RP1: variants seen among roughly 807,000 people sequenced by gnomAD.
RP1 encodes the protein RP1 axonemal microtubule associated, also known as oxygen-regulated protein 1.
In RP1, 16 loss-of-function variants were observed where a neutral mutation model predicts 14.8. That is an observed-to-expected ratio of 1.08 (90% confidence interval 0.73 to 1.65). RP1 has a LOEUF of 1.65. Among genes scored for constraint, RP1 ranks in the 40% most tolerant of loss-of-function variants. The probability of loss-of-function intolerance (pLI) is 0.00; values close to 1 mark genes in which losing one functional copy is unlikely to be tolerated. For synonymous variants in RP1, 876 were observed against 883.6 expected, an observed-to-expected ratio of 0.99 and a Z score of 0.15; for missense variants, 2,631 against 2,535.0, an observed-to-expected ratio of 1.04 and a Z score of -0.81.
chr8:54,819,490 G>A (rs776455005), intron 24 of RP1, among the ~76,000 whole-genome samples: 3 of 151,992 alleles, frequency 2.0e-5, no homozygotes, highest in Non-Finnish European at 4.4e-5. Context: ...GCTTGGTGAG[G>A]TCACATTCTC....
At chr8:54,574,121 T>TG (rs145357608) in intron 1 of RP1, among the ~76,000 whole-genome samples, 1,800 of 152,162 alleles carry the variant, frequency 0.012, 35 homozygotes, top group African/African-American at 0.042. Flanking sequence ...GAAGGAGGAT[T>TG]GGAAAAAGTC....
In RP1 at chr8:54,701,592, A is replaced by G. The variant is rs1208742889; in HGVS notation, c.1928A>G (p.His643Arg). ...GGTCACACAGTTGTTTTTGATCGTC[A>G]TGGCAAAATAGCTGATGCATCATCA... is the stretch of plus-strand genomic sequence containing the variant. Residue 643 changes from histidine (H) to arginine (R), a missense_variant, in exon 14 of 23, where the codon CAT becomes CGT. Transcript: ENST00000636932. 2.6e-6 allele frequency: 4 copies of G among 1,535,782 alleles called. No individual in the cohort carries two copies. The Admixed American group carries it at 7.8e-5, about 30-fold the overall frequency.
chr8:54,766,242 T>A (rs750417188), intron 22 of RP1, among the ~76,000 whole-genome samples: 3 of 152,148 alleles, frequency 2.0e-5, no homozygotes, highest in Admixed American at 1.3e-4. Context: ...ATGAATGATA[T>A]AGATAAAAAA....
In RP1 at chr8:54,778,321, C is replaced by CTT. The variant is rs35643905; in HGVS notation, c.3452-5208_3452-5207dup. ...GGAATGTTTGTTAATGCTTCTTCTT[C>CTT]TTTTTTTTTTTTTTTTTTTGTGAGA... On this transcript the variant is annotated intron_variant, in intron 23 of 28. Coordinates refer to the RP1 transcript ENST00000637698. Among the ~76,000 whole-genome samples, 274 of 96,270 alleles carry CTT rather than the reference C, an allele frequency of 2.8e-3. 1 individual carries two copies. The highest frequency in any genetic ancestry group is 7.7e-3 in the South Asian group (21 of 2,726). The allele number at this position is 96,270 out of a possible 152,430, so 63.2% of individuals were successfully genotyped here. A position where few individuals can be genotyped will look rare whatever the true frequency, so the allele number is the denominator to read the frequency against.
intron 3 of RP1, among the ~76,000 whole-genome samples, chr8:54,647,300 A>G (rs1563337440): frequency 6.6e-6 from 1 of 152,080 alleles, no homozygotes; most frequent in Admixed American, 6.6e-5. Context: ...CTGTAATCTC[A>G]GCTATTGAGA....
chr8:54,708,286 G>A (rs1028623527), intron 15 of RP1, among the ~76,000 whole-genome samples: 10 of 152,078 alleles, frequency 6.6e-5, no homozygotes, highest in Non-Finnish European at 1.5e-4. Context: ...AGTAACCAAA[G>A]GGATAGCTCA....
At chr8:54,605,653 A>T (rs1172877577) in intron 1 of RP1, among the ~76,000 whole-genome samples, 1 of 152,100 alleles carries the variant, frequency 6.6e-6, no homozygotes, top group African/African-American at 2.4e-5. Flanking sequence ...AAAGTCTCCC[A>T]TTATTATTGT....
chr8:54,858,865 G>A (rs1052810031), intron 27 of RP1, among the ~76,000 whole-genome samples: 2 of 152,122 alleles, frequency 1.3e-5, no homozygotes, highest in African/African-American at 4.8e-5. Flanking sequence ...GCTGTAGAGT[G>A]ATGTCACTGC....
At chr8:54,618,947 C>CACCACGCCCGGGCCT (rs1247736323) in intron 1 of RP1, among the ~76,000 whole-genome samples, 1 of 152,218 alleles carries the variant, frequency 6.6e-6, no homozygotes, top group East Asian at 1.9e-4. Context: ...ACGTGTGAGC[C>CACCACGCCCGGGCCT]ACCACGCCCG....
Position 54,687,881 on chromosome 8 carries a change from C to T in RP1, c.1717+7948C>T, listed in dbSNP as rs573857209. Among the ~76,000 whole-genome samples, 369 of 152,226 alleles carry T rather than the reference C, an allele frequency of 2.4e-3. 3 individuals are homozygous for T. The South Asian group carries it at 0.045, about 19-fold the overall frequency. On this transcript the variant is annotated intron_variant, in intron 12 of 22. Coordinates refer to the RP1 transcript ENST00000636932. ...TTCTGGTTCTAGATCCTTGAGGAAT[C>T]GCCACACTGTCTTCCACAATGGTTG...
chr8:54,784,695 T>C (rs910916004), intron 24 of RP1, among the ~76,000 whole-genome samples: 4 of 152,142 alleles, frequency 2.6e-5, no homozygotes, highest in Non-Finnish European at 5.9e-5. Flanking sequence ...TGGTAAATTT[T>C]AATGGTTATT....
chr8:54,814,215 T>C (rs1811080093), intron 24 of RP1, among the ~76,000 whole-genome samples: 1 of 152,206 alleles, frequency 6.6e-6, no homozygotes, highest in African/African-American at 2.4e-5. Context: ...GTCAAAATTC[T>C]TAGATATGTT....
At chr8:54,565,567 C>T (rs1804385032) in intron 1 of RP1, among the ~76,000 whole-genome samples, 2 of 152,106 alleles carry the variant, frequency 1.3e-5, no homozygotes, top group Admixed American at 1.3e-4. Context: ...TCTTACAGAT[C>T]CACCCAGACA....
intron 24 of RP1, among the ~76,000 whole-genome samples, chr8:54,797,747 C>A (rs970098398): frequency 4.6e-5 from 7 of 151,952 alleles, no homozygotes; most frequent in African/African-American, 7.3e-5. Flanking sequence ...AATAAAATAT[C>A]ATATTTATTA....
At chr8:54,848,418 G>A (rs975128185) in intron 25 of RP1, among the ~76,000 whole-genome samples, 2 of 152,168 alleles carry the variant, frequency 1.3e-5, no homozygotes, top group Non-Finnish European at 2.9e-5. Flanking sequence ...TTGTTGATAT[G>A]TCCTGATCAT....
At chr8:54,800,088 T>G (rs1810668507) in intron 24 of RP1, among the ~76,000 whole-genome samples, 2 of 152,136 alleles carry the variant, frequency 1.3e-5, no homozygotes, top group South Asian at 4.1e-4. Flanking sequence ...ATTCTTCATT[T>G]TTAAATGATG....
chr8:54,845,094 C>G (rs1811882640), intron 25 of RP1, among the ~76,000 whole-genome samples: 1 of 152,190 alleles, frequency 6.6e-6, no homozygotes, highest in African/African-American at 2.4e-5. Context: ...GGACCTGGGT[C>G]TAGGAGATGT....
chr8:54,806,379 T>C (rs919346782), intron 24 of RP1, among the ~76,000 whole-genome samples: 1 of 152,044 alleles, frequency 6.6e-6, no homozygotes, highest in Non-Finnish European at 1.5e-5. Context: ...ATCCTTTCAG[T>C]GTGGAATCAT....
intron 16 of RP1, among the ~76,000 whole-genome samples, chr8:54,725,227 T>G (rs1193860474): frequency 6.6e-6 from 1 of 152,198 alleles, no homozygotes; most frequent in Non-Finnish European, 1.5e-5. Flanking sequence ...AATCTTAAAT[T>G]TTTTTCCTCT....
Sources: allele counts gnomAD v4.1 joint callset (sites outside exome capture counted in the v4.1 genomes callset), GRCh38; gene constraint gnomAD v4.1.1; transcripts MANE v1.5; gene names NCBI Gene and HGNC (gene_info 2026-07-23, HGNC 2026-07-21).